The following ATAD3A variants were observed in gnomAD, a reference collection of about 807,000 sequenced individuals.
ATAD3A encodes the protein ATPase family AAA domain-containing protein 3A.
In ATAD3A, 46 loss-of-function variants were observed where a neutral mutation model predicts 73.8. The ratio of observed to expected loss-of-function variants is 0.62; its 90% confidence interval spans 0.49 to 0.80. The LOEUF (loss-of-function observed/expected upper bound fraction) is 0.80. Among genes scored for constraint, ATAD3A ranks in the 30% least tolerant of loss-of-function variants. The probability of loss-of-function intolerance (pLI) is 0.00; values close to 1 mark genes in which losing one functional copy is unlikely to be tolerated. For missense variants in ATAD3A, 705 were observed against 838.0 expected, an observed-to-expected ratio of 0.84 and a Z score of 1.96; for synonymous variants, 319 against 350.0, an observed-to-expected ratio of 0.91 and a Z score of 0.99.
chr1:1,527,332 G>A (rs2100676872), intron 13 of ATAD3A: 14 of 1,094,796 alleles, frequency 1.3e-5, no homozygotes, highest in South Asian at 4.8e-5. Flanking sequence ...CAGTGAACCC[G>A]GGCCCCTGAG....
chr1:1,525,636 G>A (rs188390612), intron 12 of ATAD3A, among the ~76,000 whole-genome samples: 50 of 152,020 alleles, frequency 3.3e-4, no homozygotes, highest in Middle Eastern at 6.8e-3. Context: ...GGATGGTCTC[G>A]ATCTCCTGAC....
chr1:1,517,451 G>C, intron 3 of ATAD3A, 39 bp downstream of exon 3: 1 of 1,436,562 alleles, frequency 7.0e-7, no homozygotes, highest in Non-Finnish European at 9.3e-7. Context: ...CCGCCCGGCT[G>C]CGGGGAGCGG....
Position 1,520,559 on chromosome 1 carries a change from C to A in ATAD3A, c.692C>A (p.Thr231Asn). The A allele has an allele frequency of 1.2e-6, 2 of 1,614,002 alleles. No individual in the cohort carries two copies. Among genetic ancestry groups the A allele is most frequent in the Non-Finnish European group, 1.7e-6 (2 of 1,179,892 alleles). The change falls in exon 7 of 16, where the codon ACC (threonine) becomes AAC (asparagine). Residue 231 changes from threonine (T) to asparagine (N), a missense_variant. Physicochemically the swap from Thr to Asn is moderately conservative, Grantham distance 65. Around this residue, in one of 5 missense-constraint regions of ATAD3A, gnomAD observed 315 missense variants for 334.1 expected, o/e 0.94. Coordinates refer to ENST00000378756, the MANE Select transcript of ATAD3A (RefSeq NM_001170535.3). The surrounding 1 kb of genome is among the most constrained non-coding windows in gnomAD (Gnocchi z 4.0). ...TGCTTTCCCCGCAGGACGGCTGGCA[C>A]CTTGTTTGGGGAAGGATTCCGTGCC... ...TVLESIRTAG[T>N]LFGEGFRAFV...
rs1414728303 is a variant in ATAD3A, at chr1:1,527,158, C to T, written c.1338-537C>T. 6 of 1,302,200 alleles carry T rather than the reference C, an allele frequency of 4.6e-6. No homozygotes were observed. In the African/African-American group the frequency reaches 7.6e-5, roughly 16 times the overall value. The allele number at this position is 1,302,200 out of a possible 1,614,324, so 80.7% of individuals were successfully genotyped here. On this transcript the variant is annotated intron_variant, in intron 13 of 15. Transcript: ENST00000378756. The stretch of plus-strand genomic sequence containing the variant: ...GTTTTCTTGGTCTCCTGGGCCCCTC[C>T]AGCCCCAGTCACGTGTCACACGGAG...
chr1:1,523,870 C>T lies in ATAD3A; in HGVS notation c.995C>T (p.Ala332Val). The change falls in exon 10 of 16, where the codon GCC becomes GTC. Residue 332 changes from alanine to valine, a missense_variant. Ala to Val is a moderately conservative substitution (Grantham distance 64, BLOSUM62 0). Around this residue, in one of 5 missense-constraint regions of ATAD3A, gnomAD observed 315 missense variants for 334.1 expected, o/e 0.94. Transcript: ENST00000378756. The surrounding 1 kb of genome is among the most constrained non-coding windows in gnomAD (Gnocchi z 5.1). ...PSLEARVRDI[A>V]IATRNTKKNR... is the part of the protein sequence containing the mutation. ...CTGGAAGCACGGGTGCGCGACATCG[C>T]CATAGCAACAAGGAACACCAAGAAG... 6.2e-7 allele frequency: 1 copy of T among 1,613,992 alleles called. No homozygotes were observed. Among genetic ancestry groups the T allele is most frequent in the Non-Finnish European group, 8.5e-7 (1 of 1,180,014 alleles).
rs1481429461 is a variant in ATAD3A at position 1,522,894 on chromosome 1, A to C, written c.901A>C (p.Ile301Leu). The C allele has an allele frequency of 5.6e-6, 9 of 1,607,938 alleles. No homozygotes were observed. The highest frequency in any genetic ancestry group is 6.8e-6 in the Non-Finnish European group (8 of 1,179,604). ...ITVLEALRHPIQVSRRLLSRP... is the reference protein window; with the variant it reads ...ITVLEALRHPLQVSRRLLSRP... ...GGTGCTTGAGGCGCTGCGGCACCCC[A>C]TCCAGGTAGCAGCGCAGGCCTGGCC... Residue 301 changes from isoleucine to leucine, a missense_variant, in exon 8 of 16, where the codon ATC becomes CTC. Coordinates refer to ENST00000378756, the MANE Select transcript of ATAD3A (RefSeq NM_001170535.3).
chr1:1,521,691 G>A (rs148913660), intron 7 of ATAD3A, among the ~76,000 whole-genome samples: 1,553 of 152,324 alleles, frequency 0.01, 13 homozygotes, highest in Admixed American at 0.013. Flanking sequence ...TGCTTAATGC[G>A]CCGATGACTT....
chr1:1,517,889 G>A (rs1641415416), intron 4 of ATAD3A, 114 bp downstream of exon 4: 1 of 1,504,800 alleles, frequency 6.6e-7, no homozygotes, highest in African/African-American at 1.4e-5. Flanking sequence ...TGCTGACGGT[G>A]GGTGCTAGAG....
At position 1,523,874 on chromosome 1, in the gene ATAD3A, AGC is replaced by A. The variant is rs1194383346; in HGVS notation, c.1000_1001del (p.Ala334AsnfsTer63). On this transcript the variant is annotated frameshift_variant, in exon 10 of 16. Transcript: ENST00000378756. LOFTEE classifies it high-confidence loss of function. This position sits in a 1 kb window ranked among gnomAD's most constrained non-coding sequence, Gnocchi z 5.1. ...LEARVRDIAI[A>X]TRNTKKNRSL... ...AAGCACGGGTGCGCGACATCGCCAT[AGC>A]AACAAGGAACACCAAGAAGAACCGC... 1.2e-6 allele frequency: 2 copies of A among 1,613,998 alleles called. No homozygotes were observed. Among genetic ancestry groups the A allele is most frequent in the Admixed American group, 3.3e-5 (2 of 60,026 alleles).
rs914799363 is a variant in ATAD3A at position 1,527,228 on chromosome 1, T to G, written c.1338-467T>G. ...GCCGTGGCTGACTCCTCAGGCACGT[T>G]GGGCTCCCAGGTCAGCTGCTGCCGG... On this transcript the variant is annotated intron_variant, in intron 13 of 15. Transcript: ENST00000378756. The G allele has an allele frequency of 3.8e-6, 5 of 1,300,600 alleles. No homozygotes were observed. The African/African-American group carries it at 7.6e-5, about 20-fold the overall frequency. 80.6% of individuals were successfully genotyped at this position (1,300,600 alleles called of 1,614,324 possible). A position where few individuals can be genotyped will look rare whatever the true frequency, so the allele number is the denominator to read the frequency against.
rs1570367114 is a variant in ATAD3A at position 1,534,511 on chromosome 1, A to C, written c.*439A>C. Reference sequence around the variant, plus strand: ...GCCAGACCCAGGTGGGGCAGCCTGAACCCTGCTTCCCCCTGTGGCCGGCAT... The same window carrying C: ...GCCAGACCCAGGTGGGGCAGCCTGACCCCTGCTTCCCCCTGTGGCCGGCAT... On this transcript the variant is annotated 3_prime_UTR_variant, in exon 16 of 16. Transcript: ENST00000378756. The C allele has an allele frequency of 1.5e-6, 1 of 664,360 alleles. No homozygotes were observed. The highest frequency in any genetic ancestry group is 2.1e-6 in the Non-Finnish European group (1 of 479,818). The allele number at this position is 664,360 out of a possible 1,614,324, so 41.2% of individuals were successfully genotyped here.
chr1:1,514,668 C>T (rs972453380), intron 1 of ATAD3A, among the ~76,000 whole-genome samples: 8 of 152,198 alleles, frequency 5.3e-5, no homozygotes, highest in Admixed American at 5.2e-4. Context: ...CGGCACTTCC[C>T]CCTGCGTCAG....
At chr1:1,530,018 A>G (rs969181776) in intron 15 of ATAD3A, among the ~76,000 whole-genome samples, 1 of 152,340 alleles carries the variant, frequency 6.6e-6, no homozygotes, top group Admixed American at 6.5e-5. Context: ...CTGGTTCCTC[A>G]ATCTAGCAGT....
In ATAD3A at chr1:1,534,015, G is replaced by A. The variant is rs1339086583; in HGVS notation, c.1704G>A (p.Lys568=). The change falls in exon 16 of 16, where the codon AAG becomes AAA. Residue 568 remains lysine, a synonymous_variant. Coordinates refer to ENST00000378756, the MANE Select transcript of ATAD3A (RefSeq NM_001170535.3). ...VQDAVQQHQQ[K]MCWLKAEGPG... ...ATGCTGTCCAGCAGCACCAGCAGAA[G>A]ATGTGCTGGCTGAAGGCGGAAGGGC... The A allele has an allele frequency of 5.0e-6, 8 of 1,613,682 alleles. No individual in the cohort carries two copies. Among genetic ancestry groups the A allele is most frequent in the East Asian group, 4.5e-5 (2 of 44,866 alleles).
intron 12 of ATAD3A, among the ~76,000 whole-genome samples, chr1:1,525,705 C>A (rs185371844): frequency 4.6e-5 from 7 of 152,060 alleles, no homozygotes; most frequent in African/African-American, 9.7e-5. Context: ...TGAGCCACCA[C>A]GCCCAGCCTT....
intron 10 of ATAD3A, 95 bp from the exon 11 acceptor site, chr1:1,524,178 C>T (rs1227049001): frequency 2.8e-5 from 44 of 1,590,138 alleles, no homozygotes; most frequent in South Asian, 1.2e-4. Context: ...CAGGCAGGGA[C>T]GCTGGGCAGA....
chr1:1,527,660 G>A lies in ATAD3A; in HGVS notation c.1338-35G>A, dbSNP rs780476394. 5 of 1,583,990 alleles carry A rather than the reference G, an allele frequency of 3.2e-6. No homozygotes were observed. In the Admixed American group the frequency reaches 8.8e-5, roughly 28 times the overall value. On this transcript the variant is annotated intron_variant, in intron 13 of 15. Coordinates refer to ENST00000378756, the MANE Select transcript of ATAD3A (RefSeq NM_001170535.3). ...TCCCCTTGGTGCAGCTCGGCCGGCA[G>A]CCCCAGCATCCTCATCCTCATCCCC... is the stretch of plus-strand genomic sequence containing the variant.
At chr1:1,515,503 C>T (rs1343003114) in intron 1 of ATAD3A, among the ~76,000 whole-genome samples, 1 of 152,186 alleles carries the variant, frequency 6.6e-6, no homozygotes, top group African/African-American at 2.4e-5. Context: ...AAACATCGAC[C>T]TGTGTCAGTT....
chr1:1,525,566 C>T (rs1641783094), intron 12 of ATAD3A, among the ~76,000 whole-genome samples: 1 of 152,000 alleles, frequency 6.6e-6, no homozygotes, highest in Admixed American at 6.6e-5. Flanking sequence ...AGGCTCCCGC[C>T]ACCACACCTG....
Sources: allele counts gnomAD v4.1 joint callset (sites outside exome capture counted in the v4.1 genomes callset), GRCh38; gene constraint gnomAD v4.1.1; regional missense constraint gnomAD v4.1.1; non-coding constraint Gnocchi (gnomAD v3.1); transcripts MANE v1.5; gene names NCBI Gene and HGNC (gene_info 2026-07-23, HGNC 2026-07-21).